The following SCN3A variants were observed in gnomAD, a reference collection of about 807,000 sequenced individuals.
SCN3A encodes sodium channel protein type 3 subunit alpha.
In SCN3A, 60 loss-of-function variants were observed where a neutral mutation model predicts 187.6. The ratio of observed to expected loss-of-function variants is 0.32; its 90% confidence interval spans 0.26 to 0.40. The LOEUF (loss-of-function observed/expected upper bound fraction) is 0.40, where lower values mean the gene tolerates loss of function less well. SCN3A is among the 10% of genes least tolerant of loss of function. The pLI is 1.00. For missense variants in SCN3A, 1,601 were observed against 2,428.2 expected (o/e 0.66, Z 7.16); for synonymous variants, 788 against 829.2 (o/e 0.95, Z 0.85).
At chr2:165,136,336 C>T (rs1687656654) in intron 15 of SCN3A, among the ~76,000 whole-genome samples, 1 of 152,034 alleles carries the variant, frequency 6.6e-6, no homozygotes, top group Non-Finnish European at 1.5e-5. Flanking sequence ...AGAACTACAC[C>T]AGAAATATTT....
At chr2:165,128,127 AT>A in intron 17 of SCN3A, 26 bp from the exon 18 acceptor site, 1 of 1,541,206 alleles carries the variant, frequency 6.5e-7, no homozygotes, top group Non-Finnish European at 8.8e-7. Context: ...AAAAATGTCT[AT>A]TTTAATATTG....
At chr2:165,115,887 A>C (rs1276336397) in intron 18 of SCN3A, among the ~76,000 whole-genome samples, 1 of 152,226 alleles carries the variant, frequency 6.6e-6, no homozygotes, top group Non-Finnish European at 1.5e-5. Flanking sequence ...ATATAACTTA[A>C]TACATTGAGG....
chr2:165,140,716 C>T lies in SCN3A; in HGVS notation c.1954G>A (p.Gly652Ser), dbSNP rs1224970525. Residue 652 changes from glycine (G) to serine (S), a missense_variant, in exon 13 of 28, where the codon GGT (glycine) becomes AGT (serine). By Grantham distance (56) the Gly-to-Ser change is moderately conservative. Coordinates refer to ENST00000283254, the MANE Select transcript of SCN3A (RefSeq NM_006922.4). The surrounding 1 kb of genome is among the most constrained non-coding windows in gnomAD (Gnocchi z 4.2). Reference protein sequence around the residue: ...GKMHSTVDCNGVVSLVGGPSA... With the variant: ...GKMHSTVDCNSVVSLVGGPSA... ...GGTCCACCCACCAAGGAAACCACAC[C>T]ATTGCAATCCACAGTGCTGTGCATC... The T allele has an allele frequency of 1.9e-6, 3 of 1,614,038 alleles. No individual in the cohort carries two copies. The highest frequency in any genetic ancestry group is 2.5e-6 in the Non-Finnish European group (3 of 1,179,986).
At chr2:165,112,279 G>A (rs2105705020) in intron 21 of SCN3A, among the ~76,000 whole-genome samples, 1 of 151,398 alleles carries the variant, frequency 6.6e-6, no homozygotes, top group Middle Eastern at 3.4e-3. Flanking sequence ...TCACCCCAGG[G>A]TAATCAGATT....
intron 18 of SCN3A, among the ~76,000 whole-genome samples, chr2:165,126,163 G>A (rs550838321): frequency 2.6e-5 from 4 of 152,252 alleles, no homozygotes. Flanking sequence ...TTCCCACTGT[G>A]TCAACATTAT....
At chr2:165,149,481 T>G (rs1688562145) in intron 11 of SCN3A, among the ~76,000 whole-genome samples, 2 of 152,170 alleles carry the variant, frequency 1.3e-5, no homozygotes, top group Non-Finnish European at 2.9e-5. Flanking sequence ...GGCCACAAAC[T>G]TTGTTTTGCA....
intron 14 of SCN3A, among the ~76,000 whole-genome samples, chr2:165,138,482 C>T (rs896307202): frequency 6.6e-6 from 1 of 152,084 alleles, no homozygotes; most frequent in African/African-American, 2.4e-5. Flanking sequence ...TCTGAAAGTA[C>T]CTTTTTAAAA....
chr2:165,157,844 C>A (rs866117829), intron 9 of SCN3A, among the ~76,000 whole-genome samples: 3 of 152,128 alleles, frequency 2.0e-5, no homozygotes, highest in African/African-American at 7.2e-5. Context: ...CAAATGGCTT[C>A]ATCTTTGGCC....
chr2:165,189,497 T>TAATTTAGGAGAAA (rs1440979398), intron 1 of SCN3A, among the ~76,000 whole-genome samples: 2 of 152,142 alleles, frequency 1.3e-5, no homozygotes, highest in Non-Finnish European at 1.5e-5. Flanking sequence ...AATTCTTTGG[T>TAATTTAGGAGAAA]TTTCAAATAA....
Position 165,094,333 on chromosome 2 carries a change from C to T in SCN3A, c.4536+41G>A, listed in dbSNP as rs16850093. On this transcript the variant is annotated intron_variant, in intron 26 of 27. Transcript: ENST00000283254. ...GCATTGCTCAATTTGACCATATGGA[C>T]GCATGGCTTTGGAACATTAAAGGAG... 2,833 of 1,379,290 alleles carry T rather than the reference C, an allele frequency of 2.1e-3. 38 individuals are homozygous for T. The highest frequency in any genetic ancestry group is 0.017 in the East Asian group (724 of 43,752). The allele number at this position is 1,379,290 out of a possible 1,614,324, so 85.4% of individuals were successfully genotyped here. A position where few individuals can be genotyped will look rare whatever the true frequency, so the allele number is the denominator to read the frequency against.
chr2:165,148,707 A>G (rs1007794608), intron 11 of SCN3A, among the ~76,000 whole-genome samples: 2 of 152,052 alleles, frequency 1.3e-5, no homozygotes, highest in Admixed American at 1.3e-4. Flanking sequence ...GACTTGATAT[A>G]AGACAATACC....
intron 21 of SCN3A, among the ~76,000 whole-genome samples, chr2:165,111,484 TACACACACACACACACACACAC>T (rs60417556): frequency 1.2e-3 from 165 of 142,618 alleles, no homozygotes; most frequent in Middle Eastern, 0.01. Flanking sequence ...GCCAGTCTGA[TACACACACACACACACACACAC>T]ACACACACAC....
chr2:165,091,382 T>A, intron 27 of SCN3A, 37 bp from the exon 28 acceptor site: 1 of 1,611,742 alleles, frequency 6.2e-7, no homozygotes, highest in Non-Finnish European at 8.5e-7. Context: ...ACAGATAATA[T>A]CTTTCACTTA....
At chr2:165,201,025 G>T (rs779169800) in intron 1 of SCN3A, among the ~76,000 whole-genome samples, 18 of 152,034 alleles carry the variant, frequency 1.2e-4, no homozygotes, top group Non-Finnish European at 2.2e-4. Context: ...GAAATTACTT[G>T]GCGTTTAAAT....
Position 165,176,327 on chromosome 2 carries a change from G to A in SCN3A, c.68C>T (p.Ala23Val), listed in dbSNP as rs139585434. The A allele has an allele frequency of 2.4e-4, 390 of 1,613,930 alleles. No individual in the cohort carries two copies. The highest frequency in any genetic ancestry group is 3.1e-4 in the Non-Finnish European group (362 of 1,179,978). Residue 23 changes from alanine to valine, a missense_variant, in exon 3 of 28, where the codon GCT becomes GTT. By Grantham distance (64) the Ala-to-Val change is moderately conservative. Coordinates refer to ENST00000283254, the MANE Select transcript of SCN3A (RefSeq NM_006922.4). ...TTCTGCAGCACGTTTTTCGATAGCA[G>A]CAAGAGATTCTCTAGTAAAAAGGCG... is the stretch of plus-strand genomic sequence containing the variant. ...SFRLFTRESL[A>V]AIEKRAAEEK... is the part of the protein sequence containing the mutation.
chr2:165,141,807 C>T (rs1297039439), intron 12 of SCN3A, among the ~76,000 whole-genome samples: 1 of 152,144 alleles, frequency 6.6e-6, no homozygotes, highest in Non-Finnish European at 1.5e-5. Context: ...CATGACTTCA[C>T]CAGCAGGTGG....
rs751175820 is a variant in SCN3A at position 165,176,363 on chromosome 2, G to C, written c.32C>G (p.Pro11Arg). 4 of 1,614,044 alleles carry C rather than the reference G, an allele frequency of 2.5e-6. No homozygotes were observed. The South Asian group carries it at 4.4e-5, about 18-fold the overall frequency. Residue 11 changes from proline (P) to arginine (R), a missense_variant, in exon 3 of 28, where the codon CCT (proline) becomes CGT (arginine). By Grantham distance (103) the Pro-to-Arg change is moderately radical. Transcript: ENST00000283254. Reference protein sequence around the residue: MAQALLVPPGPESFRLFTRES... With the variant: MAQALLVPPGRESFRLFTRES... ...TCTAGTAAAAAGGCGGAAGCTTTCA[G>C]GTCCTGGGGGTACCAACAGTGCCTG...
Position 165,146,873 on chromosome 2 carries a change from C to T in SCN3A, c.1537G>A (p.Glu513Lys), listed in dbSNP as rs1294589112. The T allele has an allele frequency of 2.5e-6, 4 of 1,614,028 alleles. No homozygotes were observed. Among genetic ancestry groups the T allele is most frequent in the South Asian group, 2.2e-5 (2 of 91,076 alleles). Residue 513 changes from glutamate to lysine, a missense_variant, in exon 12 of 28, where the codon GAA becomes AAA. Glu to Lys is a moderately conservative substitution (Grantham distance 56). Coordinates refer to ENST00000283254, the MANE Select transcript of SCN3A (RefSeq NM_006922.4). ...RKKRRQREHL[E>K]GNNKGERDSF... The stretch of plus-strand genomic sequence containing the variant: ...TCTCTCTCTCCTTTGTTGTTTCCTT[C>T]AAGGTGCTCTCTCTGTCTTCTTTTC...
rs1438815086 is a variant in SCN3A at position 165,092,698 on chromosome 2, A to T, written c.4537-174T>A. ...TCATGTTAAAAAAAATGGAAAAAAAATTTATATAGCTAAACAAAGCATATT... is the reference window on the plus strand; with the variant it reads ...TCATGTTAAAAAAAATGGAAAAAAATTTTATATAGCTAAACAAAGCATATT... On this transcript the variant is annotated intron_variant, in intron 26 of 27. Coordinates refer to ENST00000283254, the MANE Select transcript of SCN3A (RefSeq NM_006922.4). This position sits in a 1 kb window ranked among gnomAD's most constrained non-coding sequence, Gnocchi z 4.2. 12 of 634,942 alleles carry T rather than the reference A, an allele frequency of 1.9e-5. No individual in the cohort carries two copies. In the East Asian group the frequency reaches 3.0e-4, roughly 16 times the overall value. 39.3% of individuals were successfully genotyped at this position (634,942 alleles called of 1,614,324 possible).
Sources: allele counts gnomAD v4.1 joint callset (sites outside exome capture counted in the v4.1 genomes callset), GRCh38; gene constraint gnomAD v4.1.1; non-coding constraint Gnocchi (gnomAD v3.1); transcripts MANE v1.5; gene names NCBI Gene and HGNC (gene_info 2026-07-23, HGNC 2026-07-21).